ROBO2: variants seen among roughly 807,000 people sequenced by gnomAD.
ROBO2 encodes the protein roundabout guidance receptor 2.
In ROBO2, 53 loss-of-function variants were observed where a neutral mutation model predicts 160.8. The ratio of observed to expected loss-of-function variants is 0.33; its 90% CI spans 0.26 to 0.41. The LOEUF (loss-of-function observed/expected upper bound fraction) is 0.41. Among genes scored for constraint, ROBO2 ranks in the 10% least tolerant of loss-of-function variants. The pLI is 1.00. For missense variants in ROBO2, 1,577 were observed against 1,722.4 expected (o/e 0.92, Z 1.49); for synonymous variants, 664 against 611.7 (o/e 1.09, Z -1.26).
At chr3:77,543,050 G>T (rs2092544486) in intron 6 of ROBO2, among the ~76,000 whole-genome samples, 1 of 151,660 alleles carries the variant, frequency 6.6e-6, no homozygotes. Context: ...TGCCTTATGT[G>T]CTGCTTCTCT....
intron 2 of ROBO2, among the ~76,000 whole-genome samples, chr3:76,227,283 G>T (rs1224104352): frequency 6.6e-6 from 1 of 152,172 alleles, no homozygotes; most frequent in Non-Finnish European, 1.5e-5. Flanking sequence ...ATTGCGAAGA[G>T]TACCAAATGT....
At chr3:77,519,233 A>G (rs139813137) in intron 5 of ROBO2, among the ~76,000 whole-genome samples, 10 of 151,548 alleles carry the variant, frequency 6.6e-5, no homozygotes, top group African/African-American at 2.4e-4. Flanking sequence ...TCTTATTCCT[A>G]TTCTTGTTTC....
intron 2 of ROBO2, among the ~76,000 whole-genome samples, chr3:76,613,474 A>C (rs2088308598): frequency 6.6e-6 from 1 of 152,062 alleles, no homozygotes; most frequent in African/African-American, 2.4e-5. Flanking sequence ...GTCTTTTGTA[A>C]TGTACACCAA....
chr3:76,740,926 A>G (rs1267355737), intron 2 of ROBO2, among the ~76,000 whole-genome samples: 4 of 152,108 alleles, frequency 2.6e-5, no homozygotes, highest in Non-Finnish European at 5.9e-5. Flanking sequence ...TTGTTTAATC[A>G]ATTTACTTGC....
intron 2 of ROBO2, among the ~76,000 whole-genome samples, chr3:76,651,539 G>T (rs1171777236): frequency 6.6e-6 from 1 of 151,754 alleles, no homozygotes; most frequent in Non-Finnish European, 1.5e-5. Context: ...TGAGAGAGAT[G>T]ACTAGTAGCT....
chr3:76,336,422 G>A (rs534281624), intron 2 of ROBO2, among the ~76,000 whole-genome samples: 13 of 152,306 alleles, frequency 8.5e-5, no homozygotes, highest in African/African-American at 3.1e-4. Context: ...ATGGGTAGTG[G>A]TGGATAAATG....
chr3:77,144,580 A>G (rs2076974664), intron 2 of ROBO2, among the ~76,000 whole-genome samples: 1 of 152,362 alleles, frequency 6.6e-6, no homozygotes, highest in African/African-American at 2.4e-5. Context: ...AAGAAAAAAG[A>G]TTTACAATTT....
chr3:77,603,209 T>G, intron 20 of ROBO2: 1 of 382,678 alleles, frequency 2.6e-6, no homozygotes. Flanking sequence ...AAATCATGCC[T>G]TGGTGGGATA....
At chr3:75,988,088 T>C (rs2065463242) in intron 2 of ROBO2, among the ~76,000 whole-genome samples, 1 of 152,098 alleles carries the variant, frequency 6.6e-6, no homozygotes, top group African/African-American at 2.4e-5. Context: ...TGGAAATGTT[T>C]ATGAAGGACT....
At chr3:77,277,911 T>G (rs1192939535) in intron 2 of ROBO2, among the ~76,000 whole-genome samples, 1 of 152,198 alleles carries the variant, frequency 6.6e-6, no homozygotes, top group African/African-American at 2.4e-5. Context: ...GGAAATAATT[T>G]ACGTTACCAC....
At chr3:76,397,511 AG>A (rs1483014919) in intron 2 of ROBO2, among the ~76,000 whole-genome samples, 1 of 151,900 alleles carries the variant, frequency 6.6e-6, no homozygotes, top group Admixed American at 6.6e-5. Flanking sequence ...GCACAGCAAA[AG>A]AAACTACCAT....
At chr3:76,907,334 G>A (rs914535501) in intron 2 of ROBO2, among the ~76,000 whole-genome samples, 3 of 152,118 alleles carry the variant, frequency 2.0e-5, no homozygotes, top group Admixed American at 1.3e-4. Context: ...ACTTGAAGAC[G>A]ACAGTCTTCC....
intron 2 of ROBO2, among the ~76,000 whole-genome samples, chr3:76,702,194 C>T (rs2107472736): frequency 6.6e-6 from 1 of 151,868 alleles, no homozygotes; most frequent in South Asian, 2.1e-4. Flanking sequence ...AATTGCTTAC[C>T]AAAATGCACA....
intron 2 of ROBO2, among the ~76,000 whole-genome samples, chr3:76,298,736 A>T (rs956366526): frequency 1.3e-5 from 2 of 152,240 alleles, no homozygotes; most frequent in African/African-American, 4.8e-5. Context: ...CTTAACCAAG[A>T]TTCCGCCATT....
At chr3:75,944,215 A>G (rs1948180486) in intron 2 of ROBO2, among the ~76,000 whole-genome samples, 1 of 151,998 alleles carries the variant, frequency 6.6e-6, no homozygotes, top group African/African-American at 2.4e-5. Flanking sequence ...AAGTGCTAAA[A>G]CTGTGCTTTA....
intron 2 of ROBO2, among the ~76,000 whole-genome samples, chr3:77,190,221 A>G (rs1205042679): frequency 1.3e-5 from 2 of 151,994 alleles, no homozygotes; most frequent in South Asian, 2.1e-4. Context: ...CCAAACATTT[A>G]TGAAAGACTA....
chr3:76,402,700 T>A (rs1300522710), intron 2 of ROBO2, among the ~76,000 whole-genome samples: 1 of 151,588 alleles, frequency 6.6e-6, no homozygotes, highest in Non-Finnish European at 1.5e-5. Context: ...TCACTGTTTC[T>A]AGAAGCTGCA....
intron 2 of ROBO2, among the ~76,000 whole-genome samples, chr3:76,650,373 T>G (rs2109867660): frequency 6.6e-6 from 1 of 152,306 alleles, no homozygotes; most frequent in Non-Finnish European, 1.5e-5. Flanking sequence ...TTCTCAGAGC[T>G]AATTACTAGG....
chr3:76,971,985 T>A (rs1038930415), intron 2 of ROBO2, among the ~76,000 whole-genome samples: 2 of 152,222 alleles, frequency 1.3e-5, no homozygotes, highest in African/African-American at 2.4e-5. Flanking sequence ...TGATCATATC[T>A]AAATGGAAGC....
Sources: gnomAD v4.1 joint callset for allele counts (sites outside exome capture counted in the v4.1 genomes callset) on GRCh38, gnomAD v4.1.1 for gene constraint, MANE v1.5 for transcripts, NCBI Gene and HGNC (gene_info 2026-07-23, HGNC 2026-07-21) for gene names.